The following NRXN3 variants were observed in gnomAD, a reference collection of about 807,000 sequenced individuals.
The protein encoded by NRXN3 is neurexin III.
A neutral mutation model predicts 137.6 loss-of-function variants in NRXN3; 32 were observed. The observed-to-expected ratio is 0.23, with a 90% CI of 0.18 to 0.31. The LOEUF (loss-of-function observed/expected upper bound fraction) is 0.31. Among genes scored for constraint, NRXN3 ranks in the 10% least tolerant of loss-of-function variants. The probability of loss-of-function intolerance (pLI) is 1.00; values close to 1 mark genes in which losing one functional copy is unlikely to be tolerated. For missense variants in NRXN3, 1,574 were observed against 2,062.5 expected, an observed-to-expected ratio of 0.76 and a Z score of 4.59; for synonymous variants, 798 against 784.5, an observed-to-expected ratio of 1.02 and a Z score of -0.29.
In NRXN3 at chr14:79,128,683, T is replaced by C. The variant is rs187535204; in HGVS notation, c.3262+140542T>C. Among the ~76,000 whole-genome samples the C allele has an allele frequency of 1.1e-3, 165 of 152,332 alleles. 1 individual carries two copies. Among genetic ancestry groups the C allele is most frequent in the African/African-American group, 3.7e-3 (152 of 41,572 alleles). ...CTGGGCTTTGGTATCAGGATGATGC[T>C]GGCCTCATAAAATGAGTTAGGGAGG... On this transcript the variant is annotated intron_variant, in intron 15 of 20. Transcript: ENST00000335750.
chr14:79,481,782 T>A (rs1221561076), intron 16 of NRXN3, among the ~76,000 whole-genome samples: 2 of 151,718 alleles, frequency 1.3e-5, no homozygotes, highest in East Asian at 3.9e-4. Context: ...GAGGCTAGGG[T>A]TTTTCCAAGA....
intron 16 of NRXN3, among the ~76,000 whole-genome samples, chr14:79,574,668 G>A (rs2097648210): frequency 6.6e-6 from 1 of 152,018 alleles, no homozygotes. Flanking sequence ...AGTGGACTGG[G>A]GGGTTTGGGG....
intron 19 of NRXN3, among the ~76,000 whole-genome samples, chr14:79,739,648 C>CAAAA (rs72347811): frequency 0.016 from 522 of 31,806 alleles, 77 homozygotes; most frequent in Middle Eastern, 0.11. Context: ...GACTCTGCCT[C>CAAAA]AAAAAAAAAA....
chr14:78,699,999 A>T (rs1026046260), intron 6 of NRXN3, among the ~76,000 whole-genome samples: 5 of 152,356 alleles, frequency 3.3e-5, no homozygotes, highest in Non-Finnish European at 7.3e-5. Flanking sequence ...CAGAGGGCAC[A>T]GAAGTACAGT....
intron 15 of NRXN3, among the ~76,000 whole-genome samples, chr14:79,271,227 A>G (rs942795723): frequency 6.6e-6 from 1 of 152,232 alleles, no homozygotes; most frequent in Non-Finnish European, 1.5e-5. Flanking sequence ...GGAATAAATT[A>G]AACAGAGGAA....
At chr14:78,559,220 A>G (rs1225056429) in intron 4 of NRXN3, among the ~76,000 whole-genome samples, 1 of 152,220 alleles carries the variant, frequency 6.6e-6, no homozygotes, top group Non-Finnish European at 1.5e-5. Flanking sequence ...TACCCTTGTA[A>G]GATATGTAAC....
intron 16 of NRXN3, among the ~76,000 whole-genome samples, chr14:79,544,697 G>A (rs936458457): frequency 4.6e-5 from 7 of 152,192 alleles, no homozygotes; most frequent in African/African-American, 1.7e-4. Context: ...GGAGCGAAGA[G>A]CCTAGATCAC....
intron 16 of NRXN3, among the ~76,000 whole-genome samples, chr14:79,553,654 G>A (rs767265900): frequency 1.3e-5 from 2 of 152,116 alleles, no homozygotes; most frequent in Non-Finnish European, 2.9e-5. Context: ...GGAGGAAGGT[G>A]GTGCTGACAC....
intron 4 of NRXN3, among the ~76,000 whole-genome samples, chr14:78,477,669 T>C (rs1027371231): frequency 2.7e-4 from 41 of 152,330 alleles, no homozygotes; most frequent in African/African-American, 9.4e-4. Context: ...ATTATTAAAA[T>C]TGAATTTCAA....
intron 20 of NRXN3, among the ~76,000 whole-genome samples, chr14:79,834,335 C>T (rs143706889): frequency 8.5e-5 from 13 of 152,148 alleles, no homozygotes; most frequent in African/African-American, 2.9e-4. Flanking sequence ...TCCCTTCTTC[C>T]GATAACAGAT....
chr14:79,203,689 A>C (rs2066392644), intron 15 of NRXN3, among the ~76,000 whole-genome samples: 1 of 152,202 alleles, frequency 6.6e-6, no homozygotes, highest in African/African-American at 2.4e-5. Context: ...GCTTTGCAAT[A>C]ATAGACAACT....
intron 15 of NRXN3, among the ~76,000 whole-genome samples, chr14:79,168,848 T>A (rs1015877246): frequency 6.6e-6 from 1 of 152,070 alleles, no homozygotes; most frequent in Non-Finnish European, 1.5e-5. Context: ...AAATTTATAG[T>A]ATGTGGTATC....
intron 10 of NRXN3, among the ~76,000 whole-genome samples, chr14:78,953,157 G>A (rs1256243853): frequency 6.6e-6 from 1 of 152,176 alleles, no homozygotes; most frequent in African/African-American, 2.4e-5. Flanking sequence ...CCTTATGAAG[G>A]TGTGTGCCTT....
rs376868296 is a variant in NRXN3 at position 79,491,677 on chromosome 14, A to AAGAG, written c.3444+24291_3444+24294dup. Reference sequence around the variant, plus strand: ...AAAGTGTGTGTGTGTGTGTGAGAGAAAGAGAGAGAGAGAGAGAGAATGAAT... The same window carrying AAGAG: ...AAAGTGTGTGTGTGTGTGTGAGAGAAAGAGAGAGAGAGAGAGAGAGAGAATGAAT... On this transcript the variant is annotated intron_variant, in intron 16 of 20. Coordinates refer to ENST00000335750, the MANE Select transcript of NRXN3 (RefSeq NM_001330195.2). 2.1e-3 allele frequency among the ~76,000 whole-genome samples: 310 copies of AAGAG among 149,308 alleles called. 1 individual carries two copies. Among genetic ancestry groups the AAGAG allele is most frequent in the African/African-American group, 7.2e-3 (294 of 40,890 alleles).
chr14:79,680,641 G>A (rs1204471176), intron 17 of NRXN3, among the ~76,000 whole-genome samples: 1 of 152,032 alleles, frequency 6.6e-6, no homozygotes, highest in Non-Finnish European at 1.5e-5. Flanking sequence ...TTTTGTTTTG[G>A]AATGTTAGGG....
chr14:78,683,387 G>A (rs1032468338), intron 6 of NRXN3, among the ~76,000 whole-genome samples: 1 of 152,188 alleles, frequency 6.6e-6, no homozygotes, highest in African/African-American at 2.4e-5. Flanking sequence ...GAATTAGCTT[G>A]TGGTCAGTTT....
At chr14:79,705,198 G>C (rs1253362399) in intron 19 of NRXN3, among the ~76,000 whole-genome samples, 1 of 152,100 alleles carries the variant, frequency 6.6e-6, no homozygotes. Flanking sequence ...GTCAGTTCTT[G>C]GCTACCCACG....
intron 20 of NRXN3, among the ~76,000 whole-genome samples, chr14:79,813,763 A>G (rs990745416): frequency 4.6e-5 from 7 of 152,096 alleles, no homozygotes; most frequent in African/African-American, 1.7e-4. Context: ...ATTTACCCCC[A>G]TATCTGCATG....
chr14:79,177,408 C>T (rs956649911), intron 15 of NRXN3, among the ~76,000 whole-genome samples: 1 of 152,088 alleles, frequency 6.6e-6, no homozygotes, highest in East Asian at 1.9e-4. Flanking sequence ...CTTTTATCAG[C>T]CCTCGGAGAA....
Sources: gnomAD v4.1 joint callset for allele counts (sites outside exome capture counted in the v4.1 genomes callset) on GRCh38, gnomAD v4.1.1 for gene constraint, MANE v1.5 for transcripts, NCBI Gene and HGNC (gene_info 2026-07-23, HGNC 2026-07-21) for gene names.